The following CEP97 variants were observed in gnomAD, a reference collection of about 807,000 sequenced individuals.
The protein encoded by CEP97 is centrosomal protein 97.
CEP97 carries 43 observed loss-of-function variants against 73.1 expected under a neutral mutation model. The ratio of observed to expected loss-of-function variants is 0.59; its 90% confidence interval spans 0.46 to 0.76. The LOEUF is 0.76. Among genes scored for constraint, CEP97 ranks in the 30% least tolerant of loss-of-function variants. The pLI is 0.00. For synonymous variants in CEP97, 337 were observed against 370.0 expected (o/e 0.91, Z 1.02); for missense variants, 939 against 1,014.0 (o/e 0.93, Z 1.00).
In CEP97 at chr3:101,724,651, C is replaced by T. The variant is rs113730099; in HGVS notation, c.-26C>T. 6 of 1,613,968 alleles carry T rather than the reference C, an allele frequency of 3.7e-6. No homozygotes were observed. The African/African-American group carries it at 8.0e-5, about 22-fold the overall frequency. On this transcript the variant is annotated 5_prime_UTR_variant, in exon 1 of 11. Transcript: ENST00000341893. ...CCACAGAGCCGCGGGAGGACGGTTG[C>T]CTGGTATTATTAGCAAGCAGCAAAT...
intron 4 of CEP97, among the ~76,000 whole-genome samples, chr3:101,730,838 T>C (rs1052311305): frequency 1.6e-4 from 25 of 152,162 alleles, no homozygotes; most frequent in Non-Finnish European, 2.9e-4. Context: ...TTAGTTCACT[T>C]TTTCCCAGAT....
Position 101,765,568 on chromosome 3 carries a change from C to T in CEP97, c.*17C>T, listed in dbSNP as rs1402455427. On this transcript the variant is annotated 3_prime_UTR_variant, in exon 11 of 11. Coordinates refer to ENST00000341893, the MANE Select transcript of CEP97 (RefSeq NM_024548.4). ...ACTGTGTAGCATGTCTTTTGGGAGG[C>T]AGATATCCACTTAACTTTTCTTAAA... 3 of 1,561,466 alleles carry T rather than the reference C, an allele frequency of 1.9e-6. No individual in the cohort carries two copies. Among genetic ancestry groups the T allele is most frequent in the South Asian group, 1.2e-5 (1 of 84,002 alleles).
intron 1 of CEP97, among the ~76,000 whole-genome samples, chr3:101,725,987 C>T (rs759845468): frequency 9.9e-5 from 15 of 151,824 alleles, no homozygotes; most frequent in Non-Finnish European, 1.8e-4. Flanking sequence ...CAATAATTTG[C>T]CTAATATACC....
At chr3:101,747,946 G>T (rs79349718) in intron 6 of CEP97, among the ~76,000 whole-genome samples, 3,758 of 150,638 alleles carry the variant, frequency 0.025, 243 homozygotes, top group Admixed American at 0.15. Flanking sequence ...AGCATAGTGA[G>T]TCCCCATCTC....
intron 6 of CEP97, among the ~76,000 whole-genome samples, chr3:101,733,656 G>A (rs62284189): frequency 1.2e-4 from 18 of 149,176 alleles, no homozygotes; most frequent in Non-Finnish European, 1.0e-4. Context: ...TCAGCCTCCC[G>A]AGTAGCTGGG....
At chr3:101,742,056 A>C (rs200978363) in intron 6 of CEP97, among the ~76,000 whole-genome samples, 7 of 134,310 alleles carry the variant, frequency 5.2e-5, no homozygotes, top group South Asian at 2.3e-4. Flanking sequence ...AAAAAAAAAC[A>C]AAAAAACAAA....
In CEP97 at chr3:101,757,768, C is replaced by T. The variant is rs2107184771; in HGVS notation, c.1162C>T (p.Gln388Ter). The T allele has an allele frequency of 1.2e-6, 2 of 1,614,256 alleles. No homozygotes were observed. Among genetic ancestry groups the T allele is most frequent in the Non-Finnish European group, 1.7e-6 (2 of 1,180,038 alleles). Reference sequence around the variant, plus strand: ...AAATGATCTGCACCTGGAAGACATACAGACGGATGAGGACAAGTTAAACTG... The same window carrying T: ...AAATGATCTGCACCTGGAAGACATATAGACGGATGAGGACAAGTTAAACTG... ...SRNDLHLEDI[Q>*]TDEDKLNCSL... The change falls in exon 9 of 11, where the codon CAG becomes TAG. Residue 388 changes from glutamine (Q) to a stop codon, truncating the protein, a stop_gained. Transcript: ENST00000341893. LOFTEE classifies it high-confidence loss of function.
chr3:101,730,384 G>C (rs1353882433), intron 4 of CEP97, among the ~76,000 whole-genome samples: 1 of 152,032 alleles, frequency 6.6e-6, no homozygotes, highest in African/African-American at 2.4e-5. Flanking sequence ...TCCTGCCTCA[G>C]CCTCCTGAGT....
At position 101,726,740 on chromosome 3, in the gene CEP97, G is replaced by A. The variant is rs778414969; in HGVS notation, c.186+4G>A. 5.1e-6 allele frequency: 8 copies of A among 1,579,942 alleles called. No individual in the cohort carries two copies. Among genetic ancestry groups the A allele is most frequent in the Admixed American group, 3.7e-5 (2 of 54,088 alleles). On this transcript the variant is annotated splice_donor_region_variant and intron_variant, in intron 2 of 10. Coordinates refer to ENST00000341893, the MANE Select transcript of CEP97 (RefSeq NM_024548.4). ...GAAATGCAAACGATTAATACAGGTA[G>A]GTATTGCAATCTGGGAAATGGTTAC...
At chr3:101,742,642 A>G (rs1259495490) in intron 6 of CEP97, among the ~76,000 whole-genome samples, 1 of 152,054 alleles carries the variant, frequency 6.6e-6, no homozygotes, top group East Asian at 1.9e-4. Context: ...GTAGGTGACG[A>G]GTTGCTGGGT....
At position 101,765,460 on chromosome 3, in the gene CEP97, A is replaced by G. The variant is rs1157828806; in HGVS notation, c.2507A>G (p.Gln836Arg). The G allele has an allele frequency of 6.2e-7, 1 of 1,614,068 alleles. No homozygotes were observed. The highest frequency in any genetic ancestry group is 1.3e-5 in the African/African-American group (1 of 74,932). The change falls in exon 11 of 11, where the codon CAA becomes CGA. Residue 836 changes from glutamine to arginine, a missense_variant. Gln to Arg is a conservative substitution (Grantham distance 43). Coordinates refer to ENST00000341893, the MANE Select transcript of CEP97 (RefSeq NM_024548.4). ...TTGCAAGGTGAAATTAGCCAGACACAAGAGAATTCTAAATTAAATGCAGAA... is the reference window on the plus strand; with the variant it reads ...TTGCAAGGTGAAATTAGCCAGACACGAGAGAATTCTAAATTAAATGCAGAA... ...PPLQGEISQT[Q>R]ENSKLNAEVQ...
chr3:101,760,336 A>G (rs1243752937), intron 9 of CEP97, among the ~76,000 whole-genome samples: 1 of 152,156 alleles, frequency 6.6e-6, no homozygotes, highest in Non-Finnish European at 1.5e-5. Context: ...GTTGCTGGAC[A>G]ATGTGAGAAA....
chr3:101,763,382 C>T (rs1053899903), intron 10 of CEP97, among the ~76,000 whole-genome samples: 64 of 151,270 alleles, frequency 4.2e-4, no homozygotes, highest in African/African-American at 1.6e-3. Flanking sequence ...GAAAGATCTC[C>T]AAAATAATAC....
At chr3:101,755,016 C>T (rs952088090) in intron 6 of CEP97, among the ~76,000 whole-genome samples, 1 of 151,584 alleles carries the variant, frequency 6.6e-6, no homozygotes, top group African/African-American at 2.4e-5. Flanking sequence ...CACCCCAACT[C>T]CTGAGTAGCT....
chr3:101,739,903 TAA>T (rs71625596), intron 6 of CEP97, among the ~76,000 whole-genome samples: 4 of 142,492 alleles, frequency 2.8e-5, no homozygotes, highest in Admixed American at 7.0e-5. Flanking sequence ...AGACACCATC[TAA>T]AAAAAAAAAA....
At chr3:101,726,043 C>T (rs1394699432) in intron 1 of CEP97, among the ~76,000 whole-genome samples, 2 of 152,162 alleles carry the variant, frequency 1.3e-5, no homozygotes, top group Admixed American at 1.3e-4. Context: ...CTATGTTATA[C>T]TAAAGTGCCT....
intron 6 of CEP97, among the ~76,000 whole-genome samples, chr3:101,734,458 G>A (rs978346126): frequency 2.0e-5 from 3 of 152,212 alleles, no homozygotes; most frequent in African/African-American, 7.2e-5. Context: ...ACTACAGACA[G>A]TAGTTACTTC....
chr3:101,751,085 T>A (rs1438140964), intron 6 of CEP97, among the ~76,000 whole-genome samples: 1 of 152,246 alleles, frequency 6.6e-6, no homozygotes, highest in East Asian at 1.9e-4. Context: ...CTGCTTTGAA[T>A]GTGTGCCAGA....
At chr3:101,764,390 T>C (rs1048189708) in intron 10 of CEP97, among the ~76,000 whole-genome samples, 1 of 152,094 alleles carries the variant, frequency 6.6e-6, no homozygotes, top group African/African-American at 2.4e-5. Context: ...GGTGGGCGGA[T>C]CACCTGACGT....
Sources: gnomAD v4.1 joint callset for allele counts (sites outside exome capture counted in the v4.1 genomes callset) on GRCh38, gnomAD v4.1.1 for gene constraint, MANE v1.5 for transcripts, NCBI Gene and HGNC (gene_info 2026-07-23, HGNC 2026-07-21) for gene names.